PIKFYVE: variants seen among roughly 807,000 people sequenced by gnomAD.
PIKFYVE encodes 1-phosphatidylinositol 3-phosphate 5-kinase.
Under a neutral mutation model 257.9 loss-of-function variants are expected in PIKFYVE, and 122 were observed. The ratio of observed to expected loss-of-function variants is 0.47; its 90% confidence interval spans 0.41 to 0.55. PIKFYVE has a LOEUF of 0.55. PIKFYVE is among the 20% of genes least tolerant of loss of function. PIKFYVE has a pLI of 0.00. For synonymous variants in PIKFYVE, 892 were observed against 868.9 expected (o/e 1.03, Z -0.47); for missense variants, 2,160 against 2,536.6 (o/e 0.85, Z 3.19).
intron 7 of PIKFYVE, among the ~76,000 whole-genome samples, chr2:208,294,986 A>G (rs1249028824): frequency 6.6e-6 from 1 of 152,188 alleles, no homozygotes; most frequent in African/African-American, 2.4e-5. Flanking sequence ...GACTGGGTTC[A>G]CCTAGAATTT....
intron 5 of PIKFYVE, among the ~76,000 whole-genome samples, chr2:208,280,057 T>C (rs970356802): frequency 2.6e-5 from 4 of 152,204 alleles, no homozygotes; most frequent in African/African-American, 9.6e-5. Context: ...CTAGTCAGCA[T>C]TCTTTGTAAA....
At chr2:208,273,539 T>G in intron 2 of PIKFYVE, 45 bp from the exon 3 acceptor site, 1 of 1,612,464 alleles carries the variant, frequency 6.2e-7, no homozygotes, top group South Asian at 1.1e-5. Flanking sequence ...TTCTCATTGC[T>G]GAACTCTCAG....
At position 208,350,787 on chromosome 2, in the gene PIKFYVE, T is replaced by C; in HGVS notation, c.5451T>C (p.Asn1817=). 1 of 1,614,200 alleles carries C rather than the reference T, an allele frequency of 6.2e-7. No individual in the cohort carries two copies. Among genetic ancestry groups the C allele is most frequent in the Non-Finnish European group, 8.5e-7 (1 of 1,180,042 alleles). The change falls in exon 37 of 42, where the codon AAT becomes AAC. Residue 1817 remains asparagine, a synonymous_variant. Transcript: ENST00000264380. ...PHVELQFSDA[N]AKFYCRLYYA... ...TGTTTATAGAATTTTCAGATGCTAA[T>C]GCCAAGTTTTACTGTCGGCTCTACT...
At chr2:208,338,673 A>G in intron 29 of PIKFYVE, 105 bp downstream of exon 29, 1 of 1,102,450 alleles carries the variant, frequency 9.1e-7, no homozygotes. Flanking sequence ...GCTGTTGTTC[A>G]TAGACTTCTT....
chr2:208,277,992 C>T (rs1205662831), intron 5 of PIKFYVE, among the ~76,000 whole-genome samples: 5 of 152,172 alleles, frequency 3.3e-5, no homozygotes, highest in African/African-American at 1.2e-4. Context: ...GAGTAGATTA[C>T]TAATTTAAAT....
chr2:208,354,193 ATTGAAGTCAGAGTCAAATT>A, intron 40 of PIKFYVE, 34 bp downstream of exon 40: 1 of 1,603,964 alleles, frequency 6.2e-7, no homozygotes, highest in Non-Finnish European at 8.5e-7. Context: ...ATATTTCATG[ATTGAAGTCAGAGTCAAATT>A]TTAAAGATTC....
intron 36 of PIKFYVE, 81 bp downstream of exon 36, chr2:208,350,164 C>A: frequency 6.4e-7 from 1 of 1,566,796 alleles, no homozygotes; most frequent in Non-Finnish European, 8.7e-7. Flanking sequence ...ATTCTAGCTT[C>A]ATACTAAATA....
In PIKFYVE at chr2:208,323,254, T is replaced by TC. The variant is rs1474714038; in HGVS notation, c.2191-882dup. Among the ~76,000 whole-genome samples the TC allele has an allele frequency of 6.4e-3, 766 of 119,394 alleles. 11 individuals carry two copies. Among genetic ancestry groups the TC allele is most frequent in the Non-Finnish European group, 0.01 (568 of 56,682 alleles). The allele number at this position is 119,394 out of a possible 152,430, so 78.3% of individuals were successfully genotyped here. The stretch of plus-strand genomic sequence containing the variant: ...TAGGTATATCTCCTAATGCTATTCC[T>TC]CCCCCCTCCCCCCACCCCACAACAG... On this transcript the variant is annotated intron_variant, in intron 17 of 41. Coordinates refer to ENST00000264380, the MANE Select transcript of PIKFYVE (RefSeq NM_015040.4).
chr2:208,335,666 A>T, intron 25 of PIKFYVE, 127 bp from the exon 26 acceptor site: 1 of 874,054 alleles, frequency 1.1e-6, no homozygotes. Flanking sequence ...GCAAAACTGT[A>T]TGTAATTCTT....
At chr2:208,293,834 A>T (rs1692626393) in intron 7 of PIKFYVE, among the ~76,000 whole-genome samples, 1 of 151,994 alleles carries the variant, frequency 6.6e-6, no homozygotes, top group South Asian at 2.1e-4. Flanking sequence ...GGTCTTTTTC[A>T]AGATCTTTTT....
intron 21 of PIKFYVE, 70 bp downstream of exon 21, chr2:208,328,350 C>G (rs1211841475): frequency 1.9e-6 from 3 of 1,591,236 alleles, no homozygotes; most frequent in Admixed American, 1.7e-5. Flanking sequence ...AAAACAAAAA[C>G]AAAAAAACAG....
chr2:208,304,140 A>T, intron 10 of PIKFYVE, 31 bp from the exon 11 acceptor site: 1 of 1,612,910 alleles, frequency 6.2e-7, no homozygotes, highest in Non-Finnish European at 8.5e-7. Flanking sequence ...ATTGAAGGCC[A>T]ATTGCTTGGA....
chr2:208,312,345 GGA>G (rs1237873726), intron 13 of PIKFYVE, 50 bp downstream of exon 13: 4 of 1,423,058 alleles, frequency 2.8e-6, no homozygotes, highest in African/African-American at 1.4e-5. Context: ...TTTTTCATGA[GGA>G]TATACTTAGG....
intron 5 of PIKFYVE, among the ~76,000 whole-genome samples, chr2:208,284,675 G>A (rs1449681598): frequency 6.6e-6 from 1 of 152,024 alleles, no homozygotes; most frequent in African/African-American, 2.4e-5. Flanking sequence ...ACTCTTCAGG[G>A]CTTCACAATA....
At chr2:208,352,356 T>C (rs1384266976) in intron 38 of PIKFYVE, among the ~76,000 whole-genome samples, 1 of 152,106 alleles carries the variant, frequency 6.6e-6, no homozygotes, top group African/African-American at 2.4e-5. Flanking sequence ...TTGGGTTTTT[T>C]TTTTGAAGTT....
chr2:208,357,544 A>C lies in PIKFYVE; in HGVS notation c.*2239A>C, dbSNP rs1700228160. 1 of 152,194 alleles carries C rather than the reference A, an allele frequency of 6.6e-6. No homozygotes were observed. Among genetic ancestry groups the C allele is most frequent in the Non-Finnish European group, 1.5e-5 (1 of 68,036 alleles). The allele number at this position is 152,194 out of a possible 1,614,324, so 9.4% of individuals were successfully genotyped here. On this transcript the variant is annotated 3_prime_UTR_variant, in exon 42 of 42. Transcript: ENST00000264380. The stretch of plus-strand genomic sequence containing the variant: ...GTCTAGTAGGTAACTTTGTGGCAAA[A>C]ATTTTCAATATAATACATTCTGAAA...
intron 23 of PIKFYVE, among the ~76,000 whole-genome samples, chr2:208,332,110 AATAT>A (rs1321433232): frequency 6.6e-6 from 1 of 152,198 alleles, no homozygotes; most frequent in East Asian, 1.9e-4. Context: ...ACTAAACATA[AATAT>A]ATATAATATC....
chr2:208,273,523 A>T, intron 2 of PIKFYVE, 61 bp from the exon 3 acceptor site: 1 of 1,606,024 alleles, frequency 6.2e-7, no homozygotes, highest in Non-Finnish European at 8.5e-7. Flanking sequence ...ATTTTCATCT[A>T]CTTCCTTCTC....
intron 35 of PIKFYVE, among the ~76,000 whole-genome samples, chr2:208,349,460 AAT>A (rs1247254664): frequency 5.3e-5 from 8 of 150,454 alleles, no homozygotes; most frequent in South Asian, 2.1e-4. Context: ...TATGTATAAA[AAT>A]ATGTTTTAAG....
Sources: allele counts gnomAD v4.1 joint callset (sites outside exome capture counted in the v4.1 genomes callset), GRCh38; gene constraint gnomAD v4.1.1; transcripts MANE v1.5; gene names NCBI Gene and HGNC (gene_info 2026-07-23, HGNC 2026-07-21).